The following XPNPEP3 variants were observed in gnomAD, a reference collection of about 807,000 sequenced individuals.
XPNPEP3 encodes X-prolyl aminopeptidase 3, also known as xaa-Pro aminopeptidase 3.
In XPNPEP3, 41 loss-of-function variants were observed where a neutral mutation model predicts 60.0. That is an observed-to-expected ratio of 0.68 (90% CI 0.53 to 0.89). The LOEUF (loss-of-function observed/expected upper bound fraction) is 0.89. XPNPEP3 is among the 40% of genes least tolerant of loss of function. The pLI, the probability that XPNPEP3 is intolerant of heterozygous loss-of-function variation, is 0.00. For missense variants in XPNPEP3, 598 were observed against 638.9 expected (o/e 0.94, Z 0.69); for synonymous variants, 212 against 223.2 (o/e 0.95, Z 0.45).
chr22:40,923,040 C>T (rs1569033456), intron 8 of XPNPEP3, among the ~76,000 whole-genome samples: 2 of 152,006 alleles, frequency 1.3e-5, no homozygotes, highest in Non-Finnish European at 2.9e-5. Context: ...TAGCAAGACC[C>T]TATCTCTACA....
intron 1 of XPNPEP3, among the ~76,000 whole-genome samples, chr22:40,857,561 C>T (rs1342169948): frequency 6.6e-6 from 1 of 152,260 alleles, no homozygotes; most frequent in African/African-American, 2.4e-5. Flanking sequence ...CAAAGTGTCT[C>T]ACATCAAGTA....
At chr22:40,904,692 A>G (rs2058147728) in intron 4 of XPNPEP3, among the ~76,000 whole-genome samples, 1 of 152,204 alleles carries the variant, frequency 6.6e-6, no homozygotes, top group Non-Finnish European at 1.5e-5. Flanking sequence ...TTTCATGCTA[A>G]AAATATAGTG....
In XPNPEP3 at chr22:40,918,875, C is replaced by T. The variant is rs6002201; in HGVS notation, c.1056-3458C>T. 6.6e-3 allele frequency among the ~76,000 whole-genome samples: 955 copies of T among 145,776 alleles called. 11 individuals carry two copies. The highest frequency in any genetic ancestry group is 0.023 in the African/African-American group (896 of 39,526). On this transcript the variant is annotated intron_variant, in intron 7 of 9. Transcript: ENST00000357137. ...TTTTTTTTTTTGAGACACAGTCTTG[C>T]TCTGTCGCCCAGGCTGGAGTGCAGT...
At chr22:40,918,480 T>A (rs1480865788) in intron 7 of XPNPEP3, among the ~76,000 whole-genome samples, 1 of 152,066 alleles carries the variant, frequency 6.6e-6, no homozygotes, top group Non-Finnish European at 1.5e-5. Flanking sequence ...GAGACCAGCC[T>A]AGCCAACATG....
chr22:40,893,774 G>A (rs1017145033), intron 4 of XPNPEP3, among the ~76,000 whole-genome samples: 1 of 151,784 alleles, frequency 6.6e-6, no homozygotes, highest in South Asian at 2.1e-4. Flanking sequence ...GTGCCACTAC[G>A]CCTGGCTAAT....
chr22:40,917,781 A>G (rs958972502), intron 7 of XPNPEP3: 9 of 152,158 alleles, frequency 5.9e-5, no homozygotes, highest in African/African-American at 2.2e-4. Context: ...AATTGGAACA[A>G]TACAGAAATT....
intron 2 of XPNPEP3, among the ~76,000 whole-genome samples, chr22:40,870,753 T>G (rs1430647374): frequency 6.6e-6 from 1 of 152,080 alleles, no homozygotes; most frequent in African/African-American, 2.4e-5. Context: ...GCGCAGTGGC[T>G]CATACATGTA....
At chr22:40,914,367 G>T (rs1234443303) in intron 7 of XPNPEP3, 43 bp downstream of exon 7, 1 of 1,510,894 alleles carries the variant, frequency 6.6e-7, no homozygotes, top group Non-Finnish European at 9.2e-7. Context: ...CTTCTTAGGA[G>T]TATGAGTTGG....
At chr22:40,908,476 C>A (rs1198185766) in intron 5 of XPNPEP3, among the ~76,000 whole-genome samples, 1 of 151,782 alleles carries the variant, frequency 6.6e-6, no homozygotes, top group Admixed American at 6.6e-5. Flanking sequence ...TATGATTGCC[C>A]CACTGCACTC....
rs1459732380 is a variant in XPNPEP3, at chr22:40,886,444, C to G, written c.721C>G (p.Gln241Glu). 1.1e-5 allele frequency: 18 copies of G among 1,614,034 alleles called. No homozygotes were observed. Among genetic ancestry groups the G allele is most frequent in the Non-Finnish European group, 1.4e-5 (16 of 1,180,042 alleles). ...GGTTCGGGGTGTTCAGCAGCTGATA[C>G]AGCGCCTCCGGCTGATCAAGTCTCC... is the stretch of plus-strand genomic sequence containing the variant. ...NKVRGVQQLI[Q>E]RLRLIKSPAE... Residue 241 changes from glutamine (Q) to glutamate (E), a missense_variant, in exon 4 of 10, where the codon CAG becomes GAG. By Grantham distance (29) the Gln-to-Glu change is conservative. Transcript: ENST00000357137.
At chr22:40,911,817 G>A (rs1434217197) in intron 6 of XPNPEP3, among the ~76,000 whole-genome samples, 2 of 152,186 alleles carry the variant, frequency 1.3e-5, no homozygotes, top group East Asian at 1.9e-4. Flanking sequence ...TGGGATTACA[G>A]GCATGAGCCA....
At chr22:40,861,752 A>G (rs1364554696) in intron 1 of XPNPEP3, 1 of 1,613,510 alleles carries the variant, frequency 6.2e-7, no homozygotes, top group East Asian at 2.2e-5. Flanking sequence ...CACATTCATC[A>G]TCAAAATGAC....
intron 4 of XPNPEP3, among the ~76,000 whole-genome samples, chr22:40,906,079 ACG>A (rs976303955): frequency 6.6e-5 from 10 of 151,322 alleles, no homozygotes; most frequent in African/African-American, 2.4e-4. Context: ...GCTTGAGCCA[ACG>A]CACCCAGCCT....
intron 8 of XPNPEP3, among the ~76,000 whole-genome samples, chr22:40,924,098 G>A (rs1454301518): frequency 6.6e-6 from 1 of 152,072 alleles, no homozygotes; most frequent in African/African-American, 2.4e-5. Flanking sequence ...ACAGTCATTA[G>A]TTGGAATTAC....
At chr22:40,866,409 G>A (rs1443069689) in intron 1 of XPNPEP3, among the ~76,000 whole-genome samples, 4 of 151,996 alleles carry the variant, frequency 2.6e-5, no homozygotes, top group Admixed American at 6.6e-5. Flanking sequence ...AGTAAGAGAA[G>A]TCTCTTGCGT....
At chr22:40,870,741 G>T (rs539185698) in intron 2 of XPNPEP3, among the ~76,000 whole-genome samples, 1 of 152,194 alleles carries the variant, frequency 6.6e-6, no homozygotes, top group South Asian at 2.1e-4. Context: ...AAAAGGGGCC[G>T]GGCGCAGTGG....
intron 1 of XPNPEP3, 53 bp from the exon 2 acceptor site, chr22:40,868,946 T>G (rs2057992352): frequency 6.9e-7 from 1 of 1,440,198 alleles, no homozygotes; most frequent in Admixed American, 1.7e-5. Context: ...ATTTATACCA[T>G]GAAGACTTTC....
intron 7 of XPNPEP3, among the ~76,000 whole-genome samples, chr22:40,918,925 C>T (rs1171842963): frequency 1.3e-5 from 2 of 151,146 alleles, no homozygotes; most frequent in Admixed American, 6.6e-5. Flanking sequence ...TCACTGCAAC[C>T]TCCGGCTCCC....
At chr22:40,920,434 G>C (rs1301016959) in intron 7 of XPNPEP3, among the ~76,000 whole-genome samples, 1 of 152,156 alleles carries the variant, frequency 6.6e-6, no homozygotes, top group Non-Finnish European at 1.5e-5. Flanking sequence ...GTCTGTATAA[G>C]GCTTGAGTCC....
Sources: allele counts gnomAD v4.1 joint callset (sites outside exome capture counted in the v4.1 genomes callset), GRCh38; gene constraint gnomAD v4.1.1; transcripts MANE v1.5; gene names NCBI Gene and HGNC (gene_info 2026-07-23, HGNC 2026-07-21).